The following SRGAP2 variants were observed in gnomAD, a reference collection of about 807,000 sequenced individuals.
SRGAP2 encodes the protein SLIT-ROBO Rho GTPase-activating protein 2.
A neutral mutation model predicts 57.2 loss-of-function variants in SRGAP2; 15 were observed. The observed-to-expected ratio is 0.26, with a 90% confidence interval of 0.18 to 0.40. The LOEUF (loss-of-function observed/expected upper bound fraction) is 0.40. Among genes scored for constraint, SRGAP2 ranks in the 10% least tolerant of loss-of-function variants. The probability of loss-of-function intolerance (pLI) is 1.00; values close to 1 mark genes in which losing one functional copy is unlikely to be tolerated. For synonymous variants in SRGAP2, 249 were observed against 248.0 expected (o/e 1.00, Z -0.04); for missense variants, 520 against 669.6 (o/e 0.78, Z 2.47).
chr1:206,308,007 C>T (rs1281831094), intron 3 of SRGAP2, among the ~76,000 whole-genome samples: 4 of 151,594 alleles, frequency 2.6e-5, no homozygotes, highest in Admixed American at 6.6e-5. Flanking sequence ...TGCCAGCATG[C>T]TGTCACCTCT....
At chr1:206,456,499 T>C (rs1481575883) in intron 21 of SRGAP2, among the ~76,000 whole-genome samples, 1 of 151,908 alleles carries the variant, frequency 6.6e-6, no homozygotes, top group Admixed American at 6.6e-5. Context: ...CAAGGCGGGG[T>C]TGGTGGAGGA....
intron 2 of SRGAP2, among the ~76,000 whole-genome samples, chr1:206,227,900 A>G (rs1363276621): frequency 6.6e-6 from 1 of 152,126 alleles, no homozygotes; most frequent in Non-Finnish European, 1.5e-5. Flanking sequence ...TTGAATCACT[A>G]AAAGTTTTCA....
intron 10 of SRGAP2, among the ~76,000 whole-genome samples, chr1:206,412,651 C>G (rs1211572285): frequency 2.0e-5 from 3 of 152,168 alleles, no homozygotes; most frequent in African/African-American, 7.2e-5. Flanking sequence ...CCCGTGATCT[C>G]CAGAAGTCAT....
chr1:206,420,278 A>G (rs1660182124), intron 12 of SRGAP2, among the ~76,000 whole-genome samples: 1 of 152,224 alleles, frequency 6.6e-6, no homozygotes, highest in Admixed American at 6.5e-5. Flanking sequence ...GTGAATTACA[A>G]TAAAGATCCC....
In SRGAP2 at chr1:206,418,104, G is replaced by GAA. The variant is rs59868498; in HGVS notation, c.1442-1260_1442-1259dup. Among the ~76,000 whole-genome samples the GAA allele has an allele frequency of 1.7e-3, 247 of 146,900 alleles. 1 individual carries two copies. The highest frequency in any genetic ancestry group is 5.6e-3 in the African/African-American group (226 of 40,096). ...AAAGATGACAAGTTCTAGCAATAAA[G>GAA]AAAAAAAAAAGCTATAAATCTTTCT... On this transcript the variant is annotated intron_variant, in intron 11 of 22. Coordinates refer to ENST00000573034, the MANE Select transcript of SRGAP2 (RefSeq NM_015326.5).
chr1:206,425,158 A>G (rs1221902503), intron 13 of SRGAP2, among the ~76,000 whole-genome samples: 6 of 152,192 alleles, frequency 3.9e-5, no homozygotes, highest in African/African-American at 1.4e-4. Context: ...CTAGGTCATA[A>G]TATATAAACC....
At chr1:206,260,598 C>T (rs1669490888) in intron 2 of SRGAP2, among the ~76,000 whole-genome samples, 1 of 152,222 alleles carries the variant, frequency 6.6e-6, no homozygotes, top group Admixed American at 6.5e-5. Flanking sequence ...CTAACCTGTT[C>T]TGTACTATTT....
chr1:206,429,433 T>C (rs1553367512), intron 13 of SRGAP2, among the ~76,000 whole-genome samples: 1 of 152,256 alleles, frequency 6.6e-6, no homozygotes, highest in Non-Finnish European at 1.5e-5. Flanking sequence ...GATCTGCTCT[T>C]GTGAAGTTTG....
intron 2 of SRGAP2, among the ~76,000 whole-genome samples, chr1:206,209,563 T>C (rs1336721661): frequency 6.6e-6 from 1 of 152,194 alleles, no homozygotes; most frequent in Non-Finnish European, 1.5e-5. Flanking sequence ...TCATTGTTTC[T>C]GGTTTGTGGG....
chr1:206,432,689 A>C (rs1347537339), intron 14 of SRGAP2, among the ~76,000 whole-genome samples: 1 of 152,242 alleles, frequency 6.6e-6, no homozygotes, highest in African/African-American at 2.4e-5. Context: ...CATGTAGAAT[A>C]CTACAGATGC....
intron 2 of SRGAP2, among the ~76,000 whole-genome samples, chr1:206,287,903 C>T (rs1671101071): frequency 1.8e-5 from 2 of 109,988 alleles, no homozygotes; most frequent in Non-Finnish European, 3.4e-5. Flanking sequence ...GAGGAAAGGG[C>T]TTGAGTAAGC....
At chr1:206,319,322 A>G (rs1673296292) in intron 3 of SRGAP2, among the ~76,000 whole-genome samples, 1 of 150,592 alleles carries the variant, frequency 6.6e-6, no homozygotes, top group Admixed American at 6.6e-5. Context: ...GAGGCAGGAG[A>G]ATGGTGTGAA....
Position 206,392,808 on chromosome 1 carries a change from G to C in SRGAP2, c.606G>C (p.Gln202His). 1 of 722,208 alleles carries C rather than the reference G, an allele frequency of 1.4e-6. No individual in the cohort carries two copies. Among genetic ancestry groups the C allele is most frequent in the Non-Finnish European group, 2.6e-6 (1 of 389,146 alleles). 44.7% of individuals were successfully genotyped at this position (722,208 alleles called of 1,614,324 possible). A position where few individuals can be genotyped will look rare whatever the true frequency, so the allele number is the denominator to read the frequency against. Residue 202 changes from glutamine to histidine, a missense_variant, in exon 6 of 23, where the codon CAG becomes CAC. By Grantham distance (24) the Gln-to-His change is conservative. This residue lies in a region of SRGAP2 where 26 missense variants were observed against 202.3 expected (regional missense o/e 0.13). Coordinates refer to ENST00000573034, the MANE Select transcript of SRGAP2 (RefSeq NM_015326.5). ...IGKSVKQEDRQTPRSPDSTAN... is the reference protein window; with the variant it reads ...IGKSVKQEDRHTPRSPDSTAN... ...AATCGGTAAAGCAGGAGGACCGGCA[G>C]ACCCCACGCTCCCCTGACTCCACGG...
intron 18 of SRGAP2, among the ~76,000 whole-genome samples, chr1:206,449,651 G>A (rs2483061): frequency 0.24 from 36,912 of 151,620 alleles, 5,162 homozygotes; most frequent in East Asian, 0.65. Context: ...CCTCCAACCC[G>A]TAATTGGATC....
chr1:206,342,243 G>T (rs1207941781), intron 3 of SRGAP2, among the ~76,000 whole-genome samples: 2 of 152,140 alleles, frequency 1.3e-5, no homozygotes, highest in African/African-American at 4.8e-5. Flanking sequence ...GGATACATTT[G>T]TGGGGATTTT....
chr1:206,457,384 CAGGT>C (rs1663927824), intron 21 of SRGAP2, among the ~76,000 whole-genome samples: 1 of 152,178 alleles, frequency 6.6e-6, no homozygotes, highest in Admixed American at 6.5e-5. Context: ...AGGTAACTGA[CAGGT>C]AGCATCAGAT....
At chr1:206,367,210 G>A (rs1489573355) in intron 4 of SRGAP2, among the ~76,000 whole-genome samples, 4 of 152,152 alleles carry the variant, frequency 2.6e-5, no homozygotes, top group Admixed American at 1.3e-4. Flanking sequence ...GTATATATCT[G>A]ATGAATTTAA....
At chr1:206,229,591 GC>G (rs1667492368) in intron 2 of SRGAP2, among the ~76,000 whole-genome samples, 2 of 151,982 alleles carry the variant, frequency 1.3e-5, no homozygotes, top group Admixed American at 1.3e-4. Context: ...GAAGGAAGGG[GC>G]TGCAGGATAC....
chr1:206,438,165 T>G (rs1156777482), intron 16 of SRGAP2, 67 bp downstream of exon 16: 1 of 752,794 alleles, frequency 1.3e-6, no homozygotes, highest in Non-Finnish European at 2.5e-6. Flanking sequence ...AGAAAAAGTT[T>G]CCACAGGGTC....
Sources: gnomAD v4.1 joint callset for allele counts (sites outside exome capture counted in the v4.1 genomes callset) on GRCh38, gnomAD v4.1.1 for gene constraint, gnomAD v4.1.1 regional missense constraint, MANE v1.5 for transcripts, NCBI Gene and HGNC (gene_info 2026-07-23, HGNC 2026-07-21) for gene names.